The following SLITRK5 variants were observed in gnomAD, a reference collection of about 807,000 sequenced individuals.
SLITRK5 encodes the protein SLIT and NTRK-like protein 5.
In SLITRK5, 23 loss-of-function variants were observed where a neutral mutation model predicts 56.2. That is an observed-to-expected ratio of 0.41 (90% CI 0.29 to 0.58). SLITRK5 has a LOEUF of 0.58. Among genes scored for constraint, SLITRK5 ranks in the 20% least tolerant of loss-of-function variants. SLITRK5 has a pLI of 0.30. For synonymous variants in SLITRK5, 637 were observed against 531.8 expected (o/e 1.20, Z -2.72); for missense variants, 1,289 against 1,226.6 (o/e 1.05, Z -0.76).
Position 87,677,990 on chromosome 13 carries a change from A to G in SLITRK5, c.2602A>G (p.Thr868Ala), listed in dbSNP as rs773717935. 1 of 1,611,582 alleles carries G rather than the reference A, an allele frequency of 6.2e-7. No individual in the cohort carries two copies. Among genetic ancestry groups the G allele is most frequent in the African/African-American group, 1.3e-5 (1 of 74,668 alleles). ...AGAACCAGACAAACACTGCTCCACC[A>G]CCCCCGCCGGCAATAGCCTCCCGGA... ...ILEPDKHCST[T>A]PAGNSLPEYP... Residue 868 changes from threonine to alanine, a missense_variant, in exon 2 of 2, where the codon ACC becomes GCC. By Grantham distance (58) the Thr-to-Ala change is moderately conservative. This residue lies in a region of SLITRK5 where 985 missense variants were observed against 906.0 expected (regional missense o/e 1.09). Transcript: ENST00000683689. The surrounding 1 kb of genome is among the most constrained non-coding windows in gnomAD (Gnocchi z 4.7).
chr13:87,672,434 C>A (rs1877072961), intron 1 of SLITRK5, among the ~76,000 whole-genome samples: 1 of 149,924 alleles, frequency 6.7e-6, no homozygotes, highest in African/African-American at 2.5e-5. Flanking sequence ...TCCCCCTCCC[C>A]GCCCCGCCCG....
Position 87,677,215 on chromosome 13 carries a change from G to T in SLITRK5, c.1827G>T (p.Glu609Asp), listed in dbSNP as rs1877316546. The part of the protein sequence containing the change: ...AETDMRSIKS[E>D]LLCPDYSDVV... The stretch of plus-strand genomic sequence containing the variant: ...CCGACATGCGCTCCATTAAGTCGGA[G>T]CTGCTGTGCCCTGACTATTCAGATG... Residue 609 changes from glutamate to aspartate, a missense_variant, in exon 2 of 2, where the codon GAG becomes GAT. Glu to Asp is a conservative substitution (Grantham distance 45). Transcript: ENST00000683689. The surrounding 1 kb of genome is among the most constrained non-coding windows in gnomAD (Gnocchi z 4.7). 6.2e-7 allele frequency: 1 copy of T among 1,614,196 alleles called. No individual in the cohort carries two copies. Among genetic ancestry groups the T allele is most frequent in the Non-Finnish European group, 8.5e-7 (1 of 1,180,056 alleles).
At chr13:87,673,523 C>G (rs1197212332) in intron 1 of SLITRK5, 1 of 1,278,450 alleles carries the variant, frequency 7.8e-7, no homozygotes, top group Admixed American at 2.3e-5. Context: ...GGGGACCCAA[C>G]CTCGCTGAAT....
Position 87,675,940 on chromosome 13 carries a change from C to A in SLITRK5, c.552C>A (p.Leu184=). The A allele has an allele frequency of 1.9e-6, 3 of 1,614,174 alleles. No individual in the cohort carries two copies. The highest frequency in any genetic ancestry group is 1.7e-6 in the Non-Finnish European group (2 of 1,180,030). Reference sequence around the variant, plus strand: ...TGCATTTGTTGCAGGTGCTTATCCTCAATGACAATCTTTTGTCCAGTTTAC... The same window carrying A: ...TGCATTTGTTGCAGGTGCTTATCCTAAATGACAATCTTTTGTCCAGTTTAC... The part of the protein sequence containing the change: ...GKLHLLQVLI[L]NDNLLSSLPN... The change falls in exon 2 of 2, where the codon CTC becomes CTA. Residue 184 remains leucine (L), a synonymous_variant. Coordinates refer to ENST00000683689, the MANE Select transcript of SLITRK5 (RefSeq NM_001384609.1).
Position 87,676,823 on chromosome 13 carries a change from G to T in SLITRK5, c.1435G>T (p.Gly479Cys). 1 of 1,614,060 alleles carries T rather than the reference G, an allele frequency of 6.2e-7. No individual in the cohort carries two copies. Among genetic ancestry groups the T allele is most frequent in the Non-Finnish European group, 8.5e-7 (1 of 1,180,022 alleles). Residue 479 changes from glycine (G) to cysteine (C), a missense_variant, in exon 2 of 2, where the codon GGC (glycine) becomes TGC (cysteine). Gly to Cys is a radical substitution (Grantham distance 159, BLOSUM62 -3). Coordinates refer to ENST00000683689, the MANE Select transcript of SLITRK5 (RefSeq NM_001384609.1). ...GAGGCTGAGCCCGGAGTTATTCTATGGCCTGCAGAGCCTGCAGTATCTCTT... is the reference window on the plus strand; with the variant it reads ...GAGGCTGAGCCCGGAGTTATTCTATTGCCTGCAGAGCCTGCAGTATCTCTT... ...IERLSPELFY[G>C]LQSLQYLFLQ...
In SLITRK5 at chr13:87,678,088, G is replaced by A. The variant is rs1046364827; in HGVS notation, c.2700G>A (p.Gln900=). Residue 900 remains glutamine (Q), a synonymous_variant, in exon 2 of 2, where the codon CAG becomes CAA. Coordinates refer to ENST00000683689, the MANE Select transcript of SLITRK5 (RefSeq NM_001384609.1). ...SPNYDLRRPH[Q]YLHPGAGDSR... ...ACTATGACCTGAGACGCCCCCATCA[G>A]TATTTGCACCCGGGGGCAGGGGACA... 1 of 1,614,234 alleles carries A rather than the reference G, an allele frequency of 6.2e-7. No individual in the cohort carries two copies.
chr13:87,673,564 G>GA (rs1566318514), intron 1 of SLITRK5: 2 of 1,275,294 alleles, frequency 1.6e-6, no homozygotes, highest in South Asian at 2.5e-5. Flanking sequence ...GCGGAGAACT[G>GA]AAATTTCAAG....
chr13:87,676,507 G>A lies in SLITRK5; in HGVS notation c.1119G>A (p.Glu373=), dbSNP rs1877282199. Residue 373 remains glutamate, a synonymous_variant, in exon 2 of 2, where the codon GAG becomes GAA. Transcript: ENST00000683689. ...AGACCAAATCCCCGGTGCCTTTGGA[G>A]TGTCCCACCGCGTGCTCTTGCAACC... ...AYQTKSPVPL[E]CPTACSCNLQ... is the part of the protein sequence containing the mutation. The A allele has an allele frequency of 6.2e-7, 1 of 1,614,108 alleles. No homozygotes were observed. Among genetic ancestry groups the A allele is most frequent in the Non-Finnish European group, 8.5e-7 (1 of 1,180,030 alleles).
rs368387091 is a variant in SLITRK5, at chr13:87,677,856, G to T, written c.2468G>T (p.Arg823Leu). ...LQLQPGEEER[R>L]ESHHLRSPAY... ...CTGCAGCCCGGGGAGGAGGAGAGGCGGGAAAGCCACCACTTGCGGAGCCCC... is the reference window on the plus strand; with the variant it reads ...CTGCAGCCCGGGGAGGAGGAGAGGCTGGAAAGCCACCACTTGCGGAGCCCC... Residue 823 changes from arginine to leucine, a missense_variant, in exon 2 of 2, where the codon CGG becomes CTG. Arg to Leu is a moderately radical substitution (Grantham distance 102). This residue lies in a region of SLITRK5 where 985 missense variants were observed against 906.0 expected (regional missense o/e 1.09). Transcript: ENST00000683689. The surrounding 1 kb of genome is among the most constrained non-coding windows in gnomAD (Gnocchi z 4.7). The T allele has an allele frequency of 1.9e-6, 3 of 1,609,262 alleles. No homozygotes were observed. The highest frequency in any genetic ancestry group is 2.5e-6 in the Non-Finnish European group (3 of 1,178,028).
Position 87,677,940 on chromosome 13 carries a change from C to T in SLITRK5, c.2552C>T (p.Ala851Val), listed in dbSNP as rs141612203. 1.5e-4 allele frequency: 246 copies of T among 1,613,734 alleles called. No homozygotes were observed. Among genetic ancestry groups the T allele is most frequent in the Non-Finnish European group, 1.9e-4 (230 of 1,179,882 alleles). The change falls in exon 2 of 2, where the codon GCC (alanine) becomes GTC (valine). Residue 851 changes from alanine to valine, a missense_variant. This residue lies in a region of SLITRK5 where 985 missense variants were observed against 906.0 expected (regional missense o/e 1.09). Transcript: ENST00000683689. This position sits in a 1 kb window ranked among gnomAD's most constrained non-coding sequence, Gnocchi z 4.7. Reference protein sequence around the residue: ...REDLLSPVQDADRFYRGILEP... With the variant: ...REDLLSPVQDVDRFYRGILEP... ...GACCTGCTGTCGCCGGTGCAGGACG[C>T]CGACCGCTTTTACAGGGGCATTTTA...
chr13:87,678,309 A>T lies in SLITRK5; in HGVS notation c.*44A>T, dbSNP rs1414192264. The T allele has an allele frequency of 6.6e-7, 1 of 1,518,346 alleles. No homozygotes were observed. The highest frequency in any genetic ancestry group is 9.0e-7 in the Non-Finnish European group (1 of 1,117,312). 94.1% of individuals were successfully genotyped at this position (1,518,346 alleles called of 1,614,324 possible). ...GGAGCTTTTGCATTTAAAACAAACA[A>T]GCAAGCAGACACACACAGTGAACAC... is the stretch of plus-strand genomic sequence containing the variant. On this transcript the variant is annotated 3_prime_UTR_variant, in exon 2 of 2. Coordinates refer to ENST00000683689, the MANE Select transcript of SLITRK5 (RefSeq NM_001384609.1).
chr13:87,677,556 C>T lies in SLITRK5; in HGVS notation c.2168C>T (p.Thr723Met). The T allele has an allele frequency of 6.2e-7, 1 of 1,608,440 alleles. No homozygotes were observed. Reference sequence around the variant, plus strand: ...AGCGTGTACGGCGGCGGCGGCGGCACGGGCGGCCACCCACACGCGCACGTG... The same window carrying T: ...AGCGTGTACGGCGGCGGCGGCGGCATGGGCGGCCACCCACACGCGCACGTG... ...QYSVYGGGGG[T>M]GGHPHAHVHH... The change falls in exon 2 of 2, where the codon ACG (threonine) becomes ATG (methionine). Residue 723 changes from threonine (T) to methionine (M), a missense_variant. This residue lies in a region of SLITRK5 where 985 missense variants were observed against 906.0 expected (regional missense o/e 1.09). Coordinates refer to ENST00000683689, the MANE Select transcript of SLITRK5 (RefSeq NM_001384609.1). This position sits in a 1 kb window ranked among gnomAD's most constrained non-coding sequence, Gnocchi z 4.7.
chr13:87,673,690 A>G (rs1877144253), intron 1 of SLITRK5: 8 of 458,970 alleles, frequency 1.7e-5, no homozygotes, highest in South Asian at 1.1e-4. Context: ...CTGTGGTTCC[A>G]ATTCATCTCG....
Position 87,671,611 on chromosome 13 carries a change from C to T in SLITRK5, c.-607C>T, listed in dbSNP as rs959458942. 1.6e-4 allele frequency among the ~76,000 whole-genome samples: 25 copies of T among 152,192 alleles called. No individual in the cohort carries two copies. Among genetic ancestry groups the T allele is most frequent in the African/African-American group, 6.0e-4 (25 of 41,534 alleles). On this transcript the variant is annotated 5_prime_UTR_variant, in exon 1 of 2. In the 5' UTR this introduces an upstream ATG that the reference lacks. Transcript: ENST00000683689. ...AGGACAAGCCACAGGCATAGAACGA[C>T]GCGGTTGCTGCCCGCCCCCCCCTTC... is the stretch of plus-strand genomic sequence containing the variant.
chr13:87,673,958 T>C (rs1023056494), intron 1 of SLITRK5, among the ~76,000 whole-genome samples: 20 of 151,838 alleles, frequency 1.3e-4, no homozygotes, highest in Admixed American at 1.0e-3. Context: ...TTCTATCAAA[T>C]GTCCTCCACC....
rs756642005 is a variant in SLITRK5, at chr13:87,675,893, G to C, written c.505G>C (p.Glu169Gln). The change falls in exon 2 of 2, where the codon GAA becomes CAA. Residue 169 changes from glutamate (E) to glutamine (Q), a missense_variant. Coordinates refer to ENST00000683689, the MANE Select transcript of SLITRK5 (RefSeq NM_001384609.1). ...QVDYNYISVI[E>Q]PNAFGKLHLL... Reference sequence around the variant, plus strand: ...CGATTACAACTACATCAGCGTCATTGAACCCAATGCTTTTGGGAAACTGCA... The same window carrying C: ...CGATTACAACTACATCAGCGTCATTCAACCCAATGCTTTTGGGAAACTGCA... 2.5e-6 allele frequency: 4 copies of C among 1,614,098 alleles called. No individual in the cohort carries two copies. The highest frequency in any genetic ancestry group is 3.4e-6 in the Non-Finnish European group (4 of 1,180,032).
In SLITRK5 at chr13:87,677,173, C is replaced by A. The variant is rs1280614048; in HGVS notation, c.1785C>A (p.Pro595=). ...VLVDEVICKA[P]KKFAETDMRS... The stretch of plus-strand genomic sequence containing the variant: ...TGGACGAGGTGATCTGTAAGGCGCC[C>A]AAAAAATTCGCTGAGACCGACATGC... The change falls in exon 2 of 2, where the codon CCC becomes CCA. Residue 595 remains proline, a synonymous_variant. Coordinates refer to ENST00000683689, the MANE Select transcript of SLITRK5 (RefSeq NM_001384609.1). This position sits in a 1 kb window ranked among gnomAD's most constrained non-coding sequence, Gnocchi z 4.7. The A allele has an allele frequency of 1.4e-5, 23 of 1,614,036 alleles. No homozygotes were observed. Among genetic ancestry groups the A allele is most frequent in the Non-Finnish European group, 1.9e-5 (23 of 1,180,046 alleles).
Position 87,676,089 on chromosome 13 carries a change from A to G in SLITRK5, c.701A>G (p.Glu234Gly). The part of the protein sequence containing the change: ...MDKVVELQLE[E>G]NPWNCSCELI... ...AAAGTTGTGGAGCTACAGCTGGAGG[A>G]AAACCCTTGGAATTGTTCTTGTGAG... The change falls in exon 2 of 2, where the codon GAA becomes GGA. Residue 234 changes from glutamate to glycine, a missense_variant. Around this residue, in one of 3 missense-constraint regions of SLITRK5, gnomAD observed 291 missense variants for 286.7 expected, o/e 1.02. Transcript: ENST00000683689. The G allele has an allele frequency of 6.2e-7, 1 of 1,614,118 alleles. No homozygotes were observed. The highest frequency in any genetic ancestry group is 8.5e-7 in the Non-Finnish European group (1 of 1,180,038).
Position 87,677,511 on chromosome 13 carries a change from G to A in SLITRK5, c.2123G>A (p.Ser708Asn), listed in dbSNP as rs2137946844. 6.2e-7 allele frequency: 1 copy of A among 1,611,958 alleles called. No individual in the cohort carries two copies. Among genetic ancestry groups the A allele is most frequent in the Non-Finnish European group, 8.5e-7 (1 of 1,179,860 alleles). Residue 708 changes from serine (S) to asparagine (N), a missense_variant, in exon 2 of 2, where the codon AGC becomes AAC. This residue lies in a region of SLITRK5 where 985 missense variants were observed against 906.0 expected (regional missense o/e 1.09). Coordinates refer to ENST00000683689, the MANE Select transcript of SLITRK5 (RefSeq NM_001384609.1). This position sits in a 1 kb window ranked among gnomAD's most constrained non-coding sequence, Gnocchi z 4.7. The part of the protein sequence containing the change: ...DHTSTNNSDV[S>N]SFNMQYSVYG... ...ACCAGCACCAACAACTCCGACGTGA[G>A]CTCCTTTAACATGCAGTACAGCGTG...
Sources: allele counts gnomAD v4.1 joint callset (sites outside exome capture counted in the v4.1 genomes callset), GRCh38; gene constraint gnomAD v4.1.1; regional missense constraint gnomAD v4.1.1; non-coding constraint Gnocchi (gnomAD v3.1); transcripts MANE v1.5; gene names NCBI Gene and HGNC (gene_info 2026-07-23, HGNC 2026-07-21).